ZNF615: variants seen among roughly 807,000 people sequenced by gnomAD.
ZNF615 encodes zinc finger protein 615.
Under a neutral mutation model 15.3 loss-of-function variants are expected in ZNF615, and 15 were observed. The ratio of observed to expected loss-of-function variants is 0.98; its 90% CI spans 0.66 to 1.51. ZNF615 has a LOEUF of 1.51. ZNF615 is among the 40% of genes most tolerant of loss of function. ZNF615 has a pLI of 0.00. For missense variants in ZNF615, 848 were observed against 895.9 expected, an observed-to-expected ratio of 0.95 and a Z score of 0.68; for synonymous variants, 268 against 294.6, an observed-to-expected ratio of 0.91 and a Z score of 0.92.
In ZNF615 at chr19:51,994,507, T is replaced by C; in HGVS notation, c.602A>G (p.Gln201Arg). Residue 201 changes from glutamine to arginine, a missense_variant, in exon 7 of 7, where the codon CAG becomes CGG. Physicochemically the swap from Gln to Arg is conservative, Grantham distance 43. Transcript: ENST00000598071. ...PAIAKPINKSQFIKQQRTHNI... is the reference protein window; with the variant it reads ...PAIAKPINKSRFIKQQRTHNI... ...GTGAGTTCTCTGTTGCTTAATGAAC[T>C]GGGACTTATTAATAGGTTTTGCAAT... is the stretch of plus-strand genomic sequence containing the variant. 6.2e-7 allele frequency: 1 copy of C among 1,614,204 alleles called. No homozygotes were observed. Among genetic ancestry groups the C allele is most frequent in the Non-Finnish European group, 8.5e-7 (1 of 1,180,028 alleles).
In ZNF615 at chr19:52,002,120, GCACCCTCTGAGTGACACA is replaced by G; in HGVS notation, c.142+17_142+34del. 6.2e-7 allele frequency: 1 copy of G among 1,614,162 alleles called. No individual in the cohort carries two copies. The highest frequency in any genetic ancestry group is 8.5e-7 in the Non-Finnish European group (1 of 1,180,030). On this transcript the variant is annotated intron_variant, in intron 4 of 6. Coordinates refer to ENST00000598071, the MANE Select transcript of ZNF615 (RefSeq NM_001199324.2). ...CTGAGAAAGGAAGGCCACTGACTGG[GCACCCTCTGAGTGACACA>G]GGGCAGCTGTCCTCACCCACTGCCA...
intron 6 of ZNF615, among the ~76,000 whole-genome samples, chr19:51,998,350 G>A (rs2086499847): frequency 1.3e-5 from 2 of 151,928 alleles, no homozygotes. Context: ...TCTCACACCT[G>A]GAACACTCTT....
chr19:52,001,241 A>G (rs537299457), intron 5 of ZNF615, among the ~76,000 whole-genome samples: 2 of 152,224 alleles, frequency 1.3e-5, no homozygotes, highest in African/African-American at 4.8e-5. Flanking sequence ...GTGGACAAGA[A>G]AAGGCAGATT....
chr19:52,003,506 A>G (rs2086664295), intron 3 of ZNF615, among the ~76,000 whole-genome samples, 191 bp downstream of exon 3: 1 of 152,218 alleles, frequency 6.6e-6, no homozygotes, highest in African/African-American at 2.4e-5. Flanking sequence ...GGTCCCACAC[A>G]GTCACAAATT....
intron 6 of ZNF615, among the ~76,000 whole-genome samples, chr19:51,998,079 A>G (rs929035960): frequency 6.6e-6 from 1 of 152,166 alleles, no homozygotes; most frequent in Non-Finnish European, 1.5e-5. Flanking sequence ...TAGCAGGCAA[A>G]GTAATCTATC....
chr19:52,004,648 C>T (rs1256060791), intron 2 of ZNF615: 1 of 152,084 alleles, frequency 6.6e-6, no homozygotes, highest in African/African-American at 2.4e-5. Flanking sequence ...CCATCTCAGC[C>T]TCCCAAAGTG....
chr19:51,998,408 C>T (rs923226732), intron 6 of ZNF615, among the ~76,000 whole-genome samples: 6 of 152,170 alleles, frequency 3.9e-5, no homozygotes, highest in Admixed American at 2.0e-4. Context: ...TCAAAGGCAC[C>T]TTAACAAAGA....
chr19:51,995,398 C>T (rs1392988239), intron 6 of ZNF615, among the ~76,000 whole-genome samples: 1 of 152,048 alleles, frequency 6.6e-6, no homozygotes. Context: ...TTGCAGGGAA[C>T]CCCAAAATTT....
chr19:52,001,772 T>C, intron 5 of ZNF615, 41 bp downstream of exon 5: 1 of 1,558,054 alleles, frequency 6.4e-7, no homozygotes, highest in Non-Finnish European at 8.9e-7. Flanking sequence ...GGGCAGAACA[T>C]GGTGTCTGTG....
At position 51,992,127 on chromosome 19, in the gene ZNF615, C is replaced by T. The variant is rs11084127; in HGVS notation, c.*753G>A. ...TTCTGAAATAACACAAACTTAGAAC[C>T]AAAGAAATGCAGGAGCTAATCATAT... On this transcript the variant is annotated 3_prime_UTR_variant, in exon 7 of 7. Coordinates refer to ENST00000598071, the MANE Select transcript of ZNF615 (RefSeq NM_001199324.2). 0.39 allele frequency: 59,803 copies of T among 151,860 alleles called. 13,090 individuals are homozygous for T. Among genetic ancestry groups the T allele is most frequent in the African/African-American group, 0.58 (24,164 of 41,418 alleles). The allele number at this position is 151,860 out of a possible 1,614,324, so 9.4% of individuals were successfully genotyped here.
intron 6 of ZNF615, among the ~76,000 whole-genome samples, chr19:51,996,300 C>T (rs866792506): frequency 2.7e-5 from 4 of 147,760 alleles, no homozygotes; most frequent in African/African-American, 7.6e-5. Context: ...GCACAAGAAT[C>T]GCTTGAACCC....
rs2086674943 is a variant in ZNF615 at position 52,003,835 on chromosome 19, C to T, written c.-124G>A. 2.2e-5 allele frequency: 34 copies of T among 1,531,064 alleles called. No homozygotes were observed. Among genetic ancestry groups the T allele is most frequent in the Non-Finnish European group, 3.0e-5 (34 of 1,142,896 alleles). 94.8% of individuals were successfully genotyped at this position (1,531,064 alleles called of 1,614,324 possible). On this transcript the variant is annotated 5_prime_UTR_variant, in exon 3 of 7. Coordinates refer to ENST00000598071, the MANE Select transcript of ZNF615 (RefSeq NM_001199324.2). The stretch of plus-strand genomic sequence containing the variant: ...TCAAGGATGTCCCCAGAAATGATGA[C>T]ACCCAAGTCTTGGAAACTCCGCCTC...
At chr19:51,996,407 A>AAAAAC (rs755143397) in intron 6 of ZNF615, among the ~76,000 whole-genome samples, 11 of 138,374 alleles carry the variant, frequency 7.9e-5, no homozygotes, top group Non-Finnish European at 9.3e-5. Flanking sequence ...AAAAAAAAAA[A>AAAAAC]ACGCAAAACT....
intron 2 of ZNF615, among the ~76,000 whole-genome samples, chr19:52,006,627 T>C (rs2086759892): frequency 6.6e-6 from 1 of 152,210 alleles, no homozygotes; most frequent in Non-Finnish European, 1.5e-5. Context: ...TGTCTGTAAC[T>C]TACTTTGAAA....
chr19:52,000,773 C>A (rs2086567702), intron 5 of ZNF615, among the ~76,000 whole-genome samples: 1 of 151,974 alleles, frequency 6.6e-6, no homozygotes, highest in Non-Finnish European at 1.5e-5. Flanking sequence ...GGCAACATGA[C>A]AAAACCCCAC....
chr19:52,000,261 A>G (rs2086552828), intron 6 of ZNF615, 85 bp downstream of exon 6: 5 of 522,384 alleles, frequency 9.6e-6, no homozygotes, highest in South Asian at 9.2e-5. Context: ...AGAACCACCT[A>G]TTTGGTACTA....
At position 51,992,815 on chromosome 19, in the gene ZNF615, T is replaced by C; in HGVS notation, c.*65A>G. The C allele has an allele frequency of 6.5e-7, 1 of 1,543,336 alleles. No homozygotes were observed. The highest frequency in any genetic ancestry group is 8.8e-7 in the Non-Finnish European group (1 of 1,137,938). ...TAAACAACCATGTAGTCTGCATTCATGAAATTACTCTTCTTTGCAGATATC... is the reference window on the plus strand; with the variant it reads ...TAAACAACCATGTAGTCTGCATTCACGAAATTACTCTTCTTTGCAGATATC... On this transcript the variant is annotated 3_prime_UTR_variant, in exon 7 of 7. Coordinates refer to ENST00000598071, the MANE Select transcript of ZNF615 (RefSeq NM_001199324.2).
At chr19:52,001,931 G>A (rs752279726) in intron 4 of ZNF615, 23 bp from the exon 5 acceptor site, 7 of 1,612,644 alleles carry the variant, frequency 4.3e-6, no homozygotes, top group Non-Finnish European at 5.9e-6. Context: ...AATGACAGAA[G>A]ATTTAGACAA....
intron 3 of ZNF615, among the ~76,000 whole-genome samples, chr19:52,002,866 G>A (rs1424120942): frequency 1.4e-5 from 2 of 147,510 alleles, no homozygotes; most frequent in African/African-American, 2.5e-5. Context: ...TTGCTCTGTT[G>A]CCCAGGCTGG....
Sources: gnomAD v4.1 joint callset for allele counts (sites outside exome capture counted in the v4.1 genomes callset) on GRCh38, gnomAD v4.1.1 for gene constraint, MANE v1.5 for transcripts, NCBI Gene and HGNC (gene_info 2026-07-23, HGNC 2026-07-21) for gene names.